Variants in ARHGAP32 observed in about 807,000 individuals in gnomAD.
The protein encoded by ARHGAP32 is Rho GTPase activating protein 32.
Under a neutral mutation model 186.5 loss-of-function variants are expected in ARHGAP32, and 51 were observed. The observed-to-expected ratio is 0.27, with a 90% CI of 0.22 to 0.35. The LOEUF (loss-of-function observed/expected upper bound fraction) is 0.35, where lower values mean the gene tolerates loss of function less well. Among genes scored for constraint, ARHGAP32 ranks in the 10% least tolerant of loss-of-function variants. The probability of loss-of-function intolerance (pLI) is 1.00; values close to 1 mark genes in which losing one functional copy is unlikely to be tolerated. For synonymous variants in ARHGAP32, 950 were observed against 964.3 expected (o/e 0.99, Z 0.27); for missense variants, 2,186 against 2,623.5 (o/e 0.83, Z 3.64).
chr11:129,258,844 T>TA lies in ARHGAP32; in HGVS notation c.-5+20301dup, dbSNP rs540997363. 5.7e-4 allele frequency among the ~76,000 whole-genome samples: 71 copies of TA among 125,228 alleles called. 1 individual carries two copies. The highest frequency in any genetic ancestry group is 2.1e-3 in the African/African-American group (66 of 31,720). 82.2% of individuals were successfully genotyped at this position (125,228 alleles called of 152,430 possible). On this transcript the variant is annotated intron_variant, in intron 1 of 6. Transcript: ENST00000525234. The stretch of plus-strand genomic sequence containing the variant: ...ATTTTAACACATACTGGAAAGTTAA[T>TA]AGTCAACCACTTTTCTTATTATAAC...
chr11:129,242,256 A>G (rs1337629566), intron 1 of ARHGAP32, among the ~76,000 whole-genome samples: 1 of 152,064 alleles, frequency 6.6e-6, no homozygotes, highest in East Asian at 1.9e-4. Context: ...CGCAAGTGAT[A>G]CCTCCTCCTA....
At chr11:129,011,686 A>C (rs1938093121) in intron 11 of ARHGAP32, among the ~76,000 whole-genome samples, 1 of 152,234 alleles carries the variant, frequency 6.6e-6, no homozygotes, top group Non-Finnish European at 1.5e-5. Flanking sequence ...TGTTTATCAG[A>C]AACCCAAAAG....
intron 1 of ARHGAP32, among the ~76,000 whole-genome samples, chr11:129,239,799 C>A (rs1185272125): frequency 6.6e-6 from 1 of 152,068 alleles, no homozygotes; most frequent in Non-Finnish European, 1.5e-5. Context: ...TGCAAACAGC[C>A]AACTCTCTAA....
chr11:129,218,700 C>T (rs1309888226), intron 1 of ARHGAP32, among the ~76,000 whole-genome samples: 1 of 152,006 alleles, frequency 6.6e-6, no homozygotes, highest in Admixed American at 6.6e-5. Context: ...AAGCGTCTGA[C>T]GCACTGGAGA....
chr11:129,235,781 A>G (rs1944920846), intron 1 of ARHGAP32, among the ~76,000 whole-genome samples: 2 of 152,196 alleles, frequency 1.3e-5, no homozygotes, highest in African/African-American at 4.8e-5. Flanking sequence ...CTCATAGCTT[A>G]GTTCCCACTC....
intron 1 of ARHGAP32, among the ~76,000 whole-genome samples, chr11:129,271,737 A>C (rs79683886): frequency 0.023 from 3,573 of 152,326 alleles, 133 homozygotes; most frequent in African/African-American, 0.077. Context: ...ATAGAAAATG[A>C]GAATGAACAA....
intron 1 of ARHGAP32, among the ~76,000 whole-genome samples, chr11:129,263,241 T>C (rs905050249): frequency 6.6e-6 from 1 of 152,018 alleles, no homozygotes; most frequent in African/African-American, 2.4e-5. Context: ...CTAGACAACA[T>C]TAATATTAAA....
At chr11:129,051,112 T>A (rs941126882) in intron 10 of ARHGAP32, among the ~76,000 whole-genome samples, 3 of 152,214 alleles carry the variant, frequency 2.0e-5, no homozygotes, top group Non-Finnish European at 4.4e-5. Flanking sequence ...TACATGTGCA[T>A]GTGTCTTTAT....
At position 129,158,124 on chromosome 11, in the gene ARHGAP32, C is replaced by T. The variant is rs568820408; in HGVS notation, c.225+6195G>A. 1.1e-4 allele frequency among the ~76,000 whole-genome samples: 16 copies of T among 152,198 alleles called. No individual in the cohort carries two copies. The East Asian group carries it at 2.3e-3, about 22-fold the overall frequency. ...CGGTAGCAGCCACTACAAAAACATA[C>T]CAAATTGTAAAGACCATCAACACTA... On this transcript the variant is annotated intron_variant, in intron 2 of 22. Coordinates refer to ENST00000682385, the MANE Select transcript of ARHGAP32 (RefSeq NM_001378024.1).
chr11:129,178,250 T>A (rs1247790335), intron 1 of ARHGAP32, among the ~76,000 whole-genome samples: 2 of 152,074 alleles, frequency 1.3e-5, no homozygotes, highest in African/African-American at 4.8e-5. Context: ...GTGAAGGACC[T>A]CTTCAAGGAG....
At chr11:129,271,179 T>G (rs940195517) in intron 1 of ARHGAP32, among the ~76,000 whole-genome samples, 1 of 152,032 alleles carries the variant, frequency 6.6e-6, no homozygotes, top group Non-Finnish European at 1.5e-5. Context: ...CCGTGTATGG[T>G]AAGAATGAGG....
In ARHGAP32 at chr11:129,272,837, G is replaced by A. The variant is rs145556874; in HGVS notation, c.-5+6309C>T. 2.5e-4 allele frequency among the ~76,000 whole-genome samples: 38 copies of A among 152,328 alleles called. No individual in the cohort carries two copies. In the East Asian group the frequency reaches 5.6e-3, roughly 22 times the overall value. ...TTTGGTCTCTTGTCACTTCTCGCAC[G>A]CTTTATTTTTCAGAAGGGTTATCCG... is the stretch of plus-strand genomic sequence containing the variant. On this transcript the variant is annotated intron_variant, in intron 1 of 6. Coordinates refer to the ARHGAP32 transcript ENST00000525234.
intron 11 of ARHGAP32, among the ~76,000 whole-genome samples, chr11:129,018,594 G>A (rs963715231): frequency 6.6e-6 from 1 of 152,100 alleles, no homozygotes; most frequent in Non-Finnish European, 1.5e-5. Context: ...ACTTTAGTTC[G>A]CATTCATCTT....
At chr11:129,076,280 G>A (rs372793132) in intron 6 of ARHGAP32, among the ~76,000 whole-genome samples, 11 of 152,210 alleles carry the variant, frequency 7.2e-5, no homozygotes, top group Admixed American at 2.6e-4. Flanking sequence ...AATAGCCAAC[G>A]AGCGGCCCAT....
At chr11:128,975,817 G>C (rs1451055282) in intron 20 of ARHGAP32, among the ~76,000 whole-genome samples, 1 of 152,170 alleles carries the variant, frequency 6.6e-6, no homozygotes, top group African/African-American at 2.4e-5. Flanking sequence ...GGGAAGCTGA[G>C]GTGGGCAGAT....
At chr11:129,193,296 A>ACCT (rs1195024748), upstream of ARHGAP32, among the ~76,000 whole-genome samples, 1 of 69,682 alleles carries the variant, frequency 1.4e-5, no homozygotes, top group Non-Finnish European at 2.5e-5. Flanking sequence ...ACTTAGCGAG[A>ACCT]CCTCATCTTT....
At chr11:129,187,190 A>T (rs1450234928) in intron 1 of ARHGAP32, among the ~76,000 whole-genome samples, 1 of 152,242 alleles carries the variant, frequency 6.6e-6, no homozygotes, top group Non-Finnish European at 1.5e-5. Flanking sequence ...GTCATAAAAA[A>T]TAATGAGATT....
At chr11:129,249,348 T>C (rs1213883437) in intron 1 of ARHGAP32, among the ~76,000 whole-genome samples, 1 of 152,088 alleles carries the variant, frequency 6.6e-6, no homozygotes, top group African/African-American at 2.4e-5. Context: ...CACATACATA[T>C]ATACATACAC....
chr11:129,088,995 C>CA (rs10601798), intron 6 of ARHGAP32, among the ~76,000 whole-genome samples: 1,342 of 84,494 alleles, frequency 0.016, 23 homozygotes, highest in African/African-American at 0.039. Context: ...GAGACCTTGT[C>CA]AAAAAAAAAA....
Sources: gnomAD v4.1 joint callset for allele counts (sites outside exome capture counted in the v4.1 genomes callset) on GRCh38, gnomAD v4.1.1 for gene constraint, MANE v1.5 for transcripts, NCBI Gene and HGNC (gene_info 2026-07-23, HGNC 2026-07-21) for gene names.